PTPRC: variants seen among roughly 807,000 people sequenced by gnomAD.
The protein encoded by PTPRC is protein tyrosine phosphatase receptor type C.
In PTPRC, 44 loss-of-function variants were observed where a neutral mutation model predicts 155.9. The observed-to-expected ratio is 0.28, with a 90% CI of 0.22 to 0.36. PTPRC has a LOEUF of 0.36. Ranked by LOEUF, PTPRC falls within the 10% of genes least tolerant of loss-of-function variation. The pLI is 1.00. For missense variants in PTPRC, 1,401 were observed against 1,564.6 expected (o/e 0.90, Z 1.76); for synonymous variants, 525 against 533.1 (o/e 0.98, Z 0.21).
At chr1:198,729,494 T>C (rs1199277553) in intron 17 of PTPRC, among the ~76,000 whole-genome samples, 1 of 152,124 alleles carries the variant, frequency 6.6e-6, no homozygotes, top group Non-Finnish European at 1.5e-5. Flanking sequence ...CCACCCACCT[T>C]GGCCTCCCAA....
chr1:198,733,059 A>G (rs1375870572), intron 20 of PTPRC, among the ~76,000 whole-genome samples: 1 of 151,834 alleles, frequency 6.6e-6, no homozygotes, highest in Non-Finnish European at 1.5e-5. Flanking sequence ...TCATCTATCC[A>G]TTGGATTTAT....
chr1:198,655,472 G>C (rs1312081240), intron 2 of PTPRC, among the ~76,000 whole-genome samples: 1 of 151,972 alleles, frequency 6.6e-6, no homozygotes, highest in African/African-American at 2.4e-5. Flanking sequence ...CATATTATGA[G>C]GTATTTGTTC....
chr1:198,646,366 ATTC>A (rs1221538422), intron 2 of PTPRC, among the ~76,000 whole-genome samples: 2 of 151,772 alleles, frequency 1.3e-5, no homozygotes, highest in East Asian at 1.9e-4. Flanking sequence ...TCTAAAGGTA[ATTC>A]TTCTTTTCAA....
intron 12 of PTPRC, among the ~76,000 whole-genome samples, chr1:198,713,519 C>T (rs1436888649): frequency 1.3e-5 from 2 of 151,898 alleles, no homozygotes; most frequent in African/African-American, 4.8e-5. Context: ...GCCCATGTAG[C>T]CGCTGGGGCC....
chr1:198,755,998 T>A lies in PTPRC; in HGVS notation c.3738T>A (p.Ile1246=), dbSNP rs1338412216. Residue 1246 remains isoleucine, a synonymous_variant, in exon 33 of 33, where the codon ATT becomes ATA. Transcript: ENST00000442510. ...AAAACAACCATCAAGAAGATAAAAT[T>A]GAATTTGATAATGAAGTGGACAAAG... ...VKKNNHQEDK[I]EFDNEVDKVK... The A allele has an allele frequency of 3.1e-6, 5 of 1,613,272 alleles. No homozygotes were observed. The South Asian group carries it at 4.4e-5, about 14-fold the overall frequency.
chr1:198,716,361 A>C (rs916925368), intron 12 of PTPRC, among the ~76,000 whole-genome samples: 1 of 152,266 alleles, frequency 6.6e-6, no homozygotes, highest in Non-Finnish European at 1.5e-5. Context: ...CTTACAGTAT[A>C]CACTGGGGGC....
chr1:198,656,646 G>GTT (rs1017437706), intron 2 of PTPRC, among the ~76,000 whole-genome samples: 1 of 86,514 alleles, frequency 1.2e-5, no homozygotes, highest in African/African-American at 5.1e-5. Context: ...CTAGTTTTTT[G>GTT]TTTTTTGTTT....
At position 198,709,864 on chromosome 1, in the gene PTPRC, CTCTT is replaced by C. The variant is rs755805829; in HGVS notation, c.1171+41_1171+44del. On this transcript the variant is annotated intron_variant, in intron 11 of 32. Coordinates refer to ENST00000442510, the MANE Select transcript of PTPRC (RefSeq NM_002838.5). ...TGCATTTATATGTAAAATTGCTTCT[CTCTT>C]CATGTTCTTATAATTATTTGAGAAT... 3.8e-5 allele frequency: 61 copies of C among 1,600,952 alleles called. No individual in the cohort carries two copies. The African/African-American group carries it at 7.6e-4, about 20-fold the overall frequency.
chr1:198,692,641 G>A lies in PTPRC; in HGVS notation c.100+268G>A, dbSNP rs1036184942. 14 of 983,734 alleles carry A rather than the reference G, an allele frequency of 1.4e-5. No individual in the cohort carries two copies. The African/African-American group carries it at 2.4e-4, about 17-fold the overall frequency. The allele number at this position is 983,734 out of a possible 1,614,324, so 60.9% of individuals were successfully genotyped here. ...AAACTTGACAGTAAATCACACAACA[G>A]GTTTCTACTCTCTTTTAATATTTTA... On this transcript the variant is annotated intron_variant, in intron 3 of 32. Coordinates refer to ENST00000442510, the MANE Select transcript of PTPRC (RefSeq NM_002838.5).
At chr1:198,657,132 A>G (rs1445785495) in intron 2 of PTPRC, among the ~76,000 whole-genome samples, 1 of 151,930 alleles carries the variant, frequency 6.6e-6, no homozygotes, top group African/African-American at 2.4e-5. Context: ...CTAGTAAAGC[A>G]AAGTTCATTC....
In PTPRC at chr1:198,667,921, G is replaced by A. The variant is rs376388960; in HGVS notation, c.74-24426G>A. 1.5e-4 allele frequency among the ~76,000 whole-genome samples: 23 copies of A among 152,316 alleles called. No homozygotes were observed. In the East Asian group the frequency reaches 4.4e-3, roughly 29 times the overall value. On this transcript the variant is annotated intron_variant, in intron 2 of 32. Transcript: ENST00000442510. ...TTGAGATAAAGATAAAAACTGGAAA[G>A]AAGTAGGCAATCAGTCATATTTCTG...
intron 2 of PTPRC, among the ~76,000 whole-genome samples, chr1:198,654,582 T>C (rs1316345004): frequency 6.6e-6 from 1 of 151,780 alleles, no homozygotes; most frequent in African/African-American, 2.4e-5. Flanking sequence ...CTTTAATCAA[T>C]AAAATATGGT....
intron 21 of PTPRC, 21 bp from the exon 22 acceptor site, chr1:198,734,306 CT>C (rs1274001302): frequency 6.2e-7 from 1 of 1,610,182 alleles, no homozygotes; most frequent in Admixed American, 1.7e-5. Context: ...TTCTTATCAG[CT>C]TTTATTTGTT....
At chr1:198,734,903 A>G (rs1654556462) in intron 22 of PTPRC, among the ~76,000 whole-genome samples, 1 of 151,740 alleles carries the variant, frequency 6.6e-6, no homozygotes. Context: ...AAGCCTGGAA[A>G]GATCATCCTG....
chr1:198,666,560 T>A (rs1290313031), intron 2 of PTPRC, among the ~76,000 whole-genome samples: 1 of 152,202 alleles, frequency 6.6e-6, no homozygotes, highest in African/African-American at 2.4e-5. Context: ...GAGCTTAATA[T>A]ATGATGTGAT....
At chr1:198,705,689 A>G (rs1652920319) in intron 8 of PTPRC, among the ~76,000 whole-genome samples, 1 of 151,896 alleles carries the variant, frequency 6.6e-6, no homozygotes, top group Admixed American at 6.6e-5. Context: ...CCAAAATGCT[A>G]GGATTACAGG....
chr1:198,649,324 G>A (rs1663112578), intron 2 of PTPRC, among the ~76,000 whole-genome samples: 1 of 151,706 alleles, frequency 6.6e-6, no homozygotes, highest in African/African-American at 2.4e-5. Context: ...CTTATTTTCT[G>A]AATTTACTTA....
At chr1:198,671,703 T>C (rs1664657234) in intron 2 of PTPRC, among the ~76,000 whole-genome samples, 3 of 152,228 alleles carry the variant, frequency 2.0e-5, no homozygotes, top group Admixed American at 2.0e-4. Context: ...AAAAACTTCT[T>C]TTGTTAACTT....
rs1662432543 is a variant in PTPRC at position 198,639,218 on chromosome 1, C to T, written c.-43-8C>T. 1.3e-6 allele frequency: 2 copies of T among 1,501,864 alleles called. No homozygotes were observed. The highest frequency in any genetic ancestry group is 1.4e-5 in the African/African-American group (1 of 72,454). 93.0% of individuals were successfully genotyped at this position (1,501,864 alleles called of 1,614,324 possible). On this transcript the variant is annotated splice_polypyrimidine_tract_variant and splice_region_variant and intron_variant, in intron 1 of 32. Coordinates refer to ENST00000442510, the MANE Select transcript of PTPRC (RefSeq NM_002838.5). ...TTCTACAGAGATAACAATTATTTTGCTTTTCAGAAGGACGCATGCTGTTTC... is the reference window on the plus strand; with the variant it reads ...TTCTACAGAGATAACAATTATTTTGTTTTTCAGAAGGACGCATGCTGTTTC...
Sources: allele counts gnomAD v4.1 joint callset (sites outside exome capture counted in the v4.1 genomes callset), GRCh38; gene constraint gnomAD v4.1.1; transcripts MANE v1.5; gene names NCBI Gene and HGNC (gene_info 2026-07-23, HGNC 2026-07-21).